The following PPFIA2 variants were observed in gnomAD, a reference collection of about 807,000 sequenced individuals.
The protein encoded by PPFIA2 is liprin-alpha-2.
PPFIA2 carries 46 observed loss-of-function variants against 175.5 expected under a neutral mutation model. The observed-to-expected ratio is 0.26, with a 90% confidence interval of 0.21 to 0.34. The LOEUF (loss-of-function observed/expected upper bound fraction) is 0.34, where lower values mean the gene tolerates loss of function less well. Among genes scored for constraint, PPFIA2 ranks in the 10% least tolerant of loss-of-function variants. The pLI, the probability that PPFIA2 is intolerant of heterozygous loss-of-function variation, is 1.00. For synonymous variants in PPFIA2, 568 were observed against 511.4 expected (o/e 1.11, Z -1.49); for missense variants, 1,179 against 1,506.1 (o/e 0.78, Z 3.60).
intron 4 of PPFIA2, among the ~76,000 whole-genome samples, chr12:81,578,255 G>T (rs973876739): frequency 6.6e-6 from 1 of 151,628 alleles, no homozygotes; most frequent in African/African-American, 2.4e-5. Flanking sequence ...TTCACACAAG[G>T]TGACCTCTAA....
intron 28 of PPFIA2, among the ~76,000 whole-genome samples, chr12:81,273,765 G>A (rs2039779615): frequency 1.3e-5 from 2 of 152,114 alleles, no homozygotes; most frequent in Non-Finnish European, 1.5e-5. Context: ...GAATATGAGA[G>A]GAATGCCCAC....
intron 4 of PPFIA2, among the ~76,000 whole-genome samples, chr12:81,470,714 T>G (rs1377759776): frequency 6.6e-6 from 1 of 152,222 alleles, no homozygotes; most frequent in African/African-American, 2.4e-5. Flanking sequence ...CATATACTTT[T>G]TTGTTGTTTT....
intron 4 of PPFIA2, among the ~76,000 whole-genome samples, chr12:81,675,281 A>G (rs2072285804): frequency 6.6e-6 from 1 of 151,822 alleles, no homozygotes. Flanking sequence ...ACTTTTATTT[A>G]TTGGGAATGA....
chr12:81,532,071 T>C (rs768976814), intron 4 of PPFIA2, among the ~76,000 whole-genome samples: 1 of 151,828 alleles, frequency 6.6e-6, no homozygotes, highest in Non-Finnish European at 1.5e-5. Flanking sequence ...TGGCCACAGT[T>C]ACTTGAATCA....
chr12:81,508,358 C>T (rs2147692875), intron 4 of PPFIA2, among the ~76,000 whole-genome samples: 1 of 151,610 alleles, frequency 6.6e-6, no homozygotes, highest in East Asian at 2.0e-4. Context: ...CCCGTTTCTA[C>T]CAAAAATACA....
At chr12:81,335,351 T>C (rs951859018) in intron 21 of PPFIA2, among the ~76,000 whole-genome samples, 2 of 152,098 alleles carry the variant, frequency 1.3e-5, no homozygotes, top group Non-Finnish European at 2.9e-5. Flanking sequence ...GAATCTATGT[T>C]CCAGGAAGTC....
chr12:81,566,548 AAAAAG>A (rs1567362387), intron 4 of PPFIA2, among the ~76,000 whole-genome samples: 4 of 150,964 alleles, frequency 2.6e-5, no homozygotes, highest in Non-Finnish European at 4.4e-5. Context: ...AAAAAAAAAA[AAAAAG>A]AAAAGAAAAG....
intron 4 of PPFIA2, among the ~76,000 whole-genome samples, chr12:81,663,701 ATG>A (rs2069450545): frequency 6.6e-6 from 1 of 152,170 alleles, no homozygotes; most frequent in Non-Finnish European, 1.5e-5. Flanking sequence ...TAAAGTTCAT[ATG>A]GAACCAAAAA....
intron 4 of PPFIA2, among the ~76,000 whole-genome samples, chr12:81,543,890 A>T (rs2066588347): frequency 6.6e-6 from 1 of 152,150 alleles, no homozygotes; most frequent in Non-Finnish European, 1.5e-5. Context: ...GACAAATACA[A>T]GTTCAGGGAT....
chr12:81,485,447 T>G (rs996499047), intron 4 of PPFIA2, among the ~76,000 whole-genome samples: 3 of 151,746 alleles, frequency 2.0e-5, no homozygotes, highest in Non-Finnish European at 4.4e-5. Flanking sequence ...TTCCAATATA[T>G]TTTTCCTCTA....
rs948183392 is a variant in PPFIA2 at position 81,299,518 on chromosome 12, C to T, written c.2643-136G>A. 47 of 1,206,480 alleles carry T rather than the reference C, an allele frequency of 3.9e-5. No individual in the cohort carries two copies. The African/African-American group carries it at 7.1e-4, about 18-fold the overall frequency. 74.7% of individuals were successfully genotyped at this position (1,206,480 alleles called of 1,614,324 possible). On this transcript the variant is annotated intron_variant, in intron 22 of 32. Transcript: ENST00000549396. ...GATACAATATAGAATAACAGAATTC[C>T]TTATTCCTTTGAGTAACACACACAC...
intron 4 of PPFIA2, among the ~76,000 whole-genome samples, chr12:81,663,283 G>T (rs1309882374): frequency 6.6e-6 from 1 of 152,118 alleles, no homozygotes; most frequent in Admixed American, 6.5e-5. Context: ...TGTATATCTA[G>T]AAAACCCCAT....
At chr12:81,610,408 T>C (rs949177160) in intron 4 of PPFIA2, among the ~76,000 whole-genome samples, 1 of 152,214 alleles carries the variant, frequency 6.6e-6, no homozygotes, top group African/African-American at 2.4e-5. Context: ...CTTTACATAA[T>C]CCCATATTTC....
intron 4 of PPFIA2, among the ~76,000 whole-genome samples, chr12:81,624,708 T>C (rs1230577477): frequency 6.7e-6 from 1 of 150,196 alleles, no homozygotes; most frequent in Non-Finnish European, 1.5e-5. Flanking sequence ...GCCATTATTC[T>C]AAGTGAAGTA....
intron 4 of PPFIA2, among the ~76,000 whole-genome samples, chr12:81,669,910 A>C (rs2071090411): frequency 6.6e-6 from 1 of 152,038 alleles, no homozygotes; most frequent in South Asian, 2.1e-4. Flanking sequence ...TGCAATTTAC[A>C]TTTCATAAAA....
chr12:81,590,583 C>A (rs1277419880), intron 4 of PPFIA2, among the ~76,000 whole-genome samples: 1 of 151,892 alleles, frequency 6.6e-6, no homozygotes, highest in Admixed American at 6.6e-5. Context: ...CTCTCAATTT[C>A]CATGTGTTGT....
At chr12:81,556,780 A>G (rs899124144) in intron 4 of PPFIA2, among the ~76,000 whole-genome samples, 1 of 151,920 alleles carries the variant, frequency 6.6e-6, no homozygotes, top group African/African-American at 2.4e-5. Flanking sequence ...CCTGGGGGCT[A>G]CCCATTGTTG....
At chr12:81,402,080 G>C (rs1019604944) in intron 8 of PPFIA2, among the ~76,000 whole-genome samples, 2 of 151,868 alleles carry the variant, frequency 1.3e-5, no homozygotes, top group Non-Finnish European at 2.9e-5. Flanking sequence ...TCAATCCACC[G>C]ACACAAAACA....
chr12:81,349,699 G>C (rs562798824), intron 17 of PPFIA2, among the ~76,000 whole-genome samples: 2 of 152,164 alleles, frequency 1.3e-5, no homozygotes, highest in African/African-American at 4.8e-5. Context: ...ATTAACTTTA[G>C]GTATTCTATA....
Sources: allele counts gnomAD v4.1 joint callset (sites outside exome capture counted in the v4.1 genomes callset), GRCh38; gene constraint gnomAD v4.1.1; transcripts MANE v1.5; gene names NCBI Gene and HGNC (gene_info 2026-07-23, HGNC 2026-07-21).